Variants in NTRK3 observed in about 807,000 individuals in gnomAD.
NTRK3 encodes the protein neurotrophic receptor tyrosine kinase 3, also known as NT-3 growth factor receptor.
A neutral mutation model predicts 91.7 loss-of-function variants in NTRK3; 24 were observed. The observed-to-expected ratio is 0.26, with a 90% CI of 0.19 to 0.37. The LOEUF (loss-of-function observed/expected upper bound fraction) is 0.37. NTRK3 is among the 10% of genes least tolerant of loss of function. The pLI is 1.00. For synonymous variants in NTRK3, 483 were observed against 404.0 expected (o/e 1.20, Z -2.34); for missense variants, 880 against 1,068.9 (o/e 0.82, Z 2.46).
At chr15:88,156,984 A>G (rs2043965310) in intron 5 of NTRK3, among the ~76,000 whole-genome samples, 2 of 152,130 alleles carry the variant, frequency 1.3e-5, no homozygotes, top group African/African-American at 4.8e-5. Flanking sequence ...CAGTGCACAA[A>G]GAGACTCTGC....
chr15:88,256,162 G>T (rs1208818607), exon 3 of NTRK3: 20 of 1,574,060 alleles, frequency 1.3e-5, no homozygotes, highest in Non-Finnish European at 1.6e-5. Flanking sequence ...ATCTCCGATC[G>T]CTGCTTCTAA....
rs73447349 is a variant in NTRK3 at position 88,084,919 on chromosome 15, G to A, written c.1396+41352C>T. Among the ~76,000 whole-genome samples the A allele has an allele frequency of 3.8e-3, 584 of 152,266 alleles. 7 individuals carry two copies. Among genetic ancestry groups the A allele is most frequent in the African/African-American group, 0.013 (546 of 41,546 alleles). On this transcript the variant is annotated intron_variant, in intron 13 of 18. Transcript: ENST00000394480. The stretch of plus-strand genomic sequence containing the variant: ...ATGTAGAACCATAGTATGTACATGC[G>A]CCCGCATGGGTGTTCACACAATCTG...
At chr15:88,256,732 A>T in exon 1 of NTRK3, 4 of 348,678 alleles carry the variant, frequency 1.1e-5, no homozygotes, top group Non-Finnish European at 1.0e-5. Context: ...GCAGAAATGT[A>T]CAAGTGCTCC....
chr15:88,081,202 G>T (rs1289992906), intron 13 of NTRK3, among the ~76,000 whole-genome samples: 8 of 152,150 alleles, frequency 5.3e-5, no homozygotes, highest in Middle Eastern at 3.4e-3. Context: ...TCCATATATG[G>T]ACCCTAGAAA....
In NTRK3 at chr15:88,234,335, T is replaced by C. The variant is rs1598096939; in HGVS notation, c.248+21571A>G. On this transcript the variant is annotated intron_variant, in intron 3 of 18. Coordinates refer to ENST00000394480, the Ensembl canonical transcript of NTRK3. The surrounding 1 kb of genome is among the most constrained non-coding windows in gnomAD (Gnocchi z 6.1). ...TGCATGCATCAGCCCTGCATTTATATAGCAAGGCATATGCTAAACACTGGA... is the reference window on the plus strand; with the variant it reads ...TGCATGCATCAGCCCTGCATTTATACAGCAAGGCATATGCTAAACACTGGA... Among the ~76,000 whole-genome samples, 3 of 152,326 alleles carry C rather than the reference T, an allele frequency of 2.0e-5. No individual in the cohort carries two copies. The Middle Eastern group carries it at 0.01, about 518-fold the overall frequency.
At chr15:87,985,873 G>A (rs547986133) in intron 14 of NTRK3, among the ~76,000 whole-genome samples, 1 of 152,160 alleles carries the variant, frequency 6.6e-6, no homozygotes, top group South Asian at 2.1e-4. Flanking sequence ...TCAAAAAAAG[G>A]GGGGAGGTGT....
intron 13 of NTRK3, among the ~76,000 whole-genome samples, chr15:88,120,343 A>C (rs2052565666): frequency 1.3e-5 from 2 of 152,200 alleles, no homozygotes; most frequent in African/African-American, 4.8e-5. Context: ...TCAAATAGGC[A>C]ACCACTTTAC....
At chr15:88,053,212 G>T (rs994784003) in intron 13 of NTRK3, among the ~76,000 whole-genome samples, 1 of 152,166 alleles carries the variant, frequency 6.6e-6, no homozygotes, top group Non-Finnish European at 1.5e-5. Context: ...CACAAAGGAA[G>T]GTGCAGCAGG....
intron 7 of NTRK3, among the ~76,000 whole-genome samples, chr15:88,136,976 A>C (rs2041937310): frequency 6.6e-6 from 1 of 152,198 alleles, no homozygotes; most frequent in African/African-American, 2.4e-5. Flanking sequence ...CTTAAAATTC[A>C]GATTTCTGGG....
At chr15:88,160,649 G>A (rs1018539218) in intron 5 of NTRK3, among the ~76,000 whole-genome samples, 1 of 152,190 alleles carries the variant, frequency 6.6e-6, no homozygotes, top group African/African-American at 2.4e-5. Context: ...TTCTCCCCTA[G>A]GGGTGTCCAG....
chr15:88,058,420 G>A (rs373011777), intron 13 of NTRK3, among the ~76,000 whole-genome samples: 84 of 152,300 alleles, frequency 5.5e-4, no homozygotes, highest in African/African-American at 1.8e-3. Context: ...TTATTAGGTT[G>A]TTATCATAAG....
At chr15:87,877,656 C>T (rs2065012986) in intron 18 of NTRK3, among the ~76,000 whole-genome samples, 2 of 152,104 alleles carry the variant, frequency 1.3e-5, no homozygotes, top group Non-Finnish European at 2.9e-5. Context: ...TGAGTCATTA[C>T]ATAGGACCCT....
At chr15:88,213,559 C>T (rs1245950983) in intron 3 of NTRK3, among the ~76,000 whole-genome samples, 1 of 152,176 alleles carries the variant, frequency 6.6e-6, no homozygotes, top group African/African-American at 2.4e-5. Context: ...GAGGAGAGCT[C>T]TGTGGTTCAG....
intron 14 of NTRK3, among the ~76,000 whole-genome samples, chr15:87,991,792 T>C (rs2075306698): frequency 6.6e-6 from 1 of 152,198 alleles, no homozygotes; most frequent in East Asian, 1.9e-4. Context: ...ATCCCCACTT[T>C]AGCAAAGCAT....
chr15:88,144,883 A>G (rs2042740345), intron 6 of NTRK3, among the ~76,000 whole-genome samples: 2 of 152,196 alleles, frequency 1.3e-5, no homozygotes. Flanking sequence ...TGGTTGGGGT[A>G]CAGCAGAGGT....
intron 8 of NTRK3, 102 bp from the exon 9 acceptor site, chr15:88,136,142 G>C: frequency 7.0e-7 from 1 of 1,419,544 alleles, no homozygotes; most frequent in Non-Finnish European, 9.9e-7. Flanking sequence ...AAAGCTGAGC[G>C]GAAGGCGAAG....
chr15:88,108,613 G>T (rs2150951170), intron 13 of NTRK3, among the ~76,000 whole-genome samples: 1 of 152,314 alleles, frequency 6.6e-6, no homozygotes, highest in Non-Finnish European at 1.5e-5. Flanking sequence ...TAAAAGTAAA[G>T]CTCAAAAGAT....
intron 14 of NTRK3, among the ~76,000 whole-genome samples, chr15:88,010,337 G>C (rs148717720): frequency 6.6e-6 from 1 of 152,106 alleles, no homozygotes; most frequent in African/African-American, 2.4e-5. Context: ...GTCCTGGCTT[G>C]GAACTTCGGG....
chr15:87,929,561 C>T, intron 16 of NTRK3, 127 bp from the exon 17 acceptor site: 3 of 1,227,908 alleles, frequency 2.4e-6, no homozygotes, highest in Non-Finnish European at 3.3e-6. Context: ...TCCATCCTGC[C>T]TATGGCTTAT....
Sources: allele counts gnomAD v4.1 joint callset (sites outside exome capture counted in the v4.1 genomes callset), GRCh38; gene constraint gnomAD v4.1.1; non-coding constraint Gnocchi (gnomAD v3.1); transcripts MANE v1.5; gene names NCBI Gene and HGNC (gene_info 2026-07-23, HGNC 2026-07-21).